Variants in TBC1D32 observed in about 807,000 individuals in gnomAD.
TBC1D32 encodes TBC1 domain family member 32, also known as protein broad-minded.
In TBC1D32, 151 loss-of-function variants were observed where a neutral mutation model predicts 170.3. The observed-to-expected ratio is 0.89, with a 90% CI of 0.78 to 1.01. TBC1D32 has a LOEUF of 1.01. Ranked by LOEUF, TBC1D32 falls within the 50% of genes least tolerant of loss-of-function variation. TBC1D32 has a pLI of 0.00. For synonymous variants in TBC1D32, 498 were observed against 488.0 expected (o/e 1.02, Z -0.27); for missense variants, 1,464 against 1,457.1 (o/e 1.00, Z -0.08).
chr6:121,299,345 A>G, intron 10 of TBC1D32, 101 bp downstream of exon 10: 1 of 1,284,416 alleles, frequency 7.8e-7, no homozygotes, highest in Non-Finnish European at 1.1e-6. Context: ...TTCATTATCC[A>G]ATATTAATTA....
At chr6:121,266,636 A>G (rs1176493789) in intron 15 of TBC1D32, among the ~76,000 whole-genome samples, 2 of 152,210 alleles carry the variant, frequency 1.3e-5, no homozygotes, top group Non-Finnish European at 2.9e-5. Flanking sequence ...AGCACTATTC[A>G]CAATAGCAAA....
chr6:121,266,562 G>A (rs1318050030), intron 15 of TBC1D32, among the ~76,000 whole-genome samples: 1 of 152,066 alleles, frequency 6.6e-6, no homozygotes, highest in Non-Finnish European at 1.5e-5. Context: ...CCACTACTGG[G>A]TATATACCCA....
intron 22 of TBC1D32, among the ~76,000 whole-genome samples, chr6:121,183,390 C>T (rs566926009): frequency 5.9e-5 from 9 of 152,208 alleles, no homozygotes; most frequent in African/African-American, 2.2e-4. Flanking sequence ...AGTTTGTTTG[C>T]TTGCAGCAAA....
chr6:121,104,804 T>C (rs986776482), intron 30 of TBC1D32, among the ~76,000 whole-genome samples: 5 of 151,760 alleles, frequency 3.3e-5, no homozygotes, highest in Non-Finnish European at 7.4e-5. Context: ...ACTATCTTCC[T>C]AGATAGACTG....
rs1231700203 is a variant in TBC1D32 at position 121,198,238 on chromosome 6, T to TATATATTATATATATAA, written c.2570+6836_2570+6837insTTATATATATAATATAT. Among the ~76,000 whole-genome samples the TATATATTATATATATAA allele has an allele frequency of 2.6e-4, 6 of 22,902 alleles. No individual in the cohort carries two copies. The Non-Finnish European group carries it at 5.3e-3, about 20-fold the overall frequency. The allele number at this position is 22,902 out of a possible 152,430, so 15.0% of individuals were successfully genotyped here. ...TATATGTGTGTATAATATATATAAA[T>TATATATTATATATATAA]ATATATATTATATATATATATAATA... On this transcript the variant is annotated intron_variant, in intron 22 of 31. Transcript: ENST00000398212.
chr6:121,181,450 C>T (rs962304648), intron 22 of TBC1D32, among the ~76,000 whole-genome samples: 6 of 152,070 alleles, frequency 3.9e-5, no homozygotes, highest in Non-Finnish European at 8.8e-5. Context: ...TCCCCTTTAC[C>T]TTCCGCCATG....
chr6:121,298,540 T>G (rs1035046827), intron 10 of TBC1D32, among the ~76,000 whole-genome samples: 1 of 152,094 alleles, frequency 6.6e-6, no homozygotes, highest in Non-Finnish European at 1.5e-5. Flanking sequence ...CAAATTTTTA[T>G]TTAAAATGGG....
intron 13 of TBC1D32, among the ~76,000 whole-genome samples, chr6:121,282,564 G>A (rs185025493): frequency 3.3e-5 from 5 of 151,800 alleles, no homozygotes; most frequent in Admixed American, 3.3e-4. Flanking sequence ...AATGGAAAAG[G>A]AAAGTTCAGT....
chr6:121,255,846 G>A (rs996224925), intron 16 of TBC1D32, among the ~76,000 whole-genome samples: 6 of 152,124 alleles, frequency 3.9e-5, no homozygotes, highest in East Asian at 1.9e-4. Flanking sequence ...CCTCATCTAC[G>A]AGAAGAAAAG....
At chr6:121,102,920 G>C (rs969303648) in intron 30 of TBC1D32, among the ~76,000 whole-genome samples, 2 of 151,112 alleles carry the variant, frequency 1.3e-5, no homozygotes, top group African/African-American at 4.8e-5. Context: ...CCATCAAAAA[G>C]AAGGATATGA....
At chr6:121,129,313 G>A (rs1218407626) in intron 25 of TBC1D32, among the ~76,000 whole-genome samples, 1 of 152,118 alleles carries the variant, frequency 6.6e-6, no homozygotes, top group Non-Finnish European at 1.5e-5. Flanking sequence ...GTTAGATTTT[G>A]CCCAGCCATA....
chr6:121,120,013 T>A (rs1231150467), intron 26 of TBC1D32, among the ~76,000 whole-genome samples: 1 of 152,068 alleles, frequency 6.6e-6, no homozygotes, highest in Non-Finnish European at 1.5e-5. Context: ...TACAGTGAAA[T>A]TCTATAATAA....
chr6:121,269,283 G>C (rs1000399671), intron 15 of TBC1D32, among the ~76,000 whole-genome samples: 4 of 152,074 alleles, frequency 2.6e-5, no homozygotes, highest in Non-Finnish European at 5.9e-5. Flanking sequence ...AAATGAAAAT[G>C]GGCTAAATGC....
chr6:121,317,926 T>C (rs956009643), intron 2 of TBC1D32, among the ~76,000 whole-genome samples: 3 of 151,954 alleles, frequency 2.0e-5, no homozygotes, highest in African/African-American at 7.2e-5. Context: ...TGGATCAAGG[T>C]AGTAAAATTA....
chr6:121,251,339 T>A (rs1461102378), intron 17 of TBC1D32, among the ~76,000 whole-genome samples: 2 of 152,014 alleles, frequency 1.3e-5, no homozygotes, highest in African/African-American at 2.4e-5. Flanking sequence ...ACTACAAGGC[T>A]ATGATAACCA....
chr6:121,244,609 C>T (rs1316991347), intron 17 of TBC1D32, among the ~76,000 whole-genome samples: 1 of 152,142 alleles, frequency 6.6e-6, no homozygotes, highest in Non-Finnish European at 1.5e-5. Flanking sequence ...CATTTTTATT[C>T]ATGCACTTAT....
intron 30 of TBC1D32, among the ~76,000 whole-genome samples, chr6:121,104,940 C>T (rs950108086): frequency 2.0e-5 from 3 of 151,648 alleles, no homozygotes; most frequent in Non-Finnish European, 4.4e-5. Flanking sequence ...GTAGTATATA[C>T]AGAAATAGTT....
At chr6:121,088,790 T>C (rs1340411595) in intron 31 of TBC1D32, among the ~76,000 whole-genome samples, 1 of 152,190 alleles carries the variant, frequency 6.6e-6, no homozygotes, top group African/African-American at 2.4e-5. Context: ...TGCCTACATG[T>C]TCTTAGTTTG....
intron 3 of TBC1D32, among the ~76,000 whole-genome samples, chr6:121,314,826 C>T (rs1032380061): frequency 6.6e-6 from 1 of 152,140 alleles, no homozygotes; most frequent in African/African-American, 2.4e-5. Flanking sequence ...GAGAAATTTT[C>T]TATTTGAGTG....
Sources: gnomAD v4.1 joint callset for allele counts (sites outside exome capture counted in the v4.1 genomes callset) on GRCh38, gnomAD v4.1.1 for gene constraint, MANE v1.5 for transcripts, NCBI Gene and HGNC (gene_info 2026-07-23, HGNC 2026-07-21) for gene names.